ZDHHC21: variants seen among roughly 807,000 people sequenced by gnomAD.
ZDHHC21 encodes palmitoyltransferase ZDHHC21.
In ZDHHC21, 15 loss-of-function variants were observed where a neutral mutation model predicts 34.6. The observed-to-expected ratio is 0.43, with a 90% CI of 0.29 to 0.67. The LOEUF is 0.67. Among genes scored for constraint, ZDHHC21 ranks in the 30% least tolerant of loss-of-function variants. The pLI, the probability that ZDHHC21 is intolerant of heterozygous loss-of-function variation, is 0.14. For synonymous variants in ZDHHC21, 142 were observed against 101.8 expected (o/e 1.40, Z -2.38); for missense variants, 344 against 327.7 (o/e 1.05, Z -0.38).
chr9:14,640,015 A>G lies in ZDHHC21; in HGVS notation c.505-3T>C, dbSNP rs761234404. On this transcript the variant is annotated splice_polypyrimidine_tract_variant and splice_region_variant and intron_variant, in intron 7 of 9. Coordinates refer to ENST00000380916, the MANE Select transcript of ZDHHC21 (RefSeq NM_178566.6). ...TCATGTCTAAAAACAAAGAGGTCCT[A>G]AAAAGAAAAAGAAAGTCTTAAAAAC... The G allele has an allele frequency of 1.4e-5, 22 of 1,562,452 alleles. No homozygotes were observed. The highest frequency in any genetic ancestry group is 1.8e-5 in the Non-Finnish European group (21 of 1,145,198).
At chr9:14,654,359 CCT>C (rs1046599354) in intron 7 of ZDHHC21, among the ~76,000 whole-genome samples, 10 of 151,022 alleles carry the variant, frequency 6.6e-5, no homozygotes, top group East Asian at 3.9e-4. Flanking sequence ...TATACAAACC[CCT>C]GATTGGATAA....
At chr9:14,650,898 T>C (rs7851982) in intron 7 of ZDHHC21, among the ~76,000 whole-genome samples, 18 of 152,072 alleles carry the variant, frequency 1.2e-4, no homozygotes, top group East Asian at 3.9e-4. Context: ...ACTGCTCTCA[T>C]AGCCTTAAAC....
At chr9:14,603,051 G>A in the ZDHHC21 span, among the ~76,000 whole-genome samples, 3 of 152,030 alleles carry the variant, frequency 2.0e-5, no homozygotes, top group Admixed American at 2.0e-4. Flanking sequence ...GGGAGTTGAG[G>A]GGGAGCAGTA....
At chr9:14,690,076 C>A (rs1356328471) in intron 2 of ZDHHC21, among the ~76,000 whole-genome samples, 1 of 151,956 alleles carries the variant, frequency 6.6e-6, no homozygotes, top group Non-Finnish European at 1.5e-5. Context: ...AACTTTTGTT[C>A]CAAAATCAGC....
intron 6 of ZDHHC21, 91 bp downstream of exon 6, chr9:14,662,124 T>G (rs1833506631): frequency 1.3e-6 from 1 of 785,842 alleles, no homozygotes; most frequent in African/African-American, 1.8e-5. Flanking sequence ...TATATAACTT[T>G]AACATAACTG....
intron 8 of ZDHHC21, among the ~76,000 whole-genome samples, chr9:14,635,217 A>G (rs1828058974): frequency 6.6e-6 from 1 of 152,172 alleles, no homozygotes. Context: ...TTTAATTTGT[A>G]ATGTCCCAGA....
intron 6 of ZDHHC21, among the ~76,000 whole-genome samples, chr9:14,659,206 GC>G (rs1405616875): frequency 1.6e-4 from 24 of 152,112 alleles, no homozygotes. Context: ...TAAGCCTCTG[GC>G]CAGAGGATGT....
At chr9:14,693,019 G>T (rs1009931533) in intron 1 of ZDHHC21, among the ~76,000 whole-genome samples, 13 of 151,836 alleles carry the variant, frequency 8.6e-5, no homozygotes, top group Non-Finnish European at 1.6e-4. Flanking sequence ...CTCTGAAAAA[G>T]GCCAGGCCTG....
At chr9:14,679,291 A>C (rs1442568252) in intron 3 of ZDHHC21, among the ~76,000 whole-genome samples, 5 of 152,208 alleles carry the variant, frequency 3.3e-5, no homozygotes, top group African/African-American at 1.2e-4. Flanking sequence ...ACAGATGAGT[A>C]TGTGCTGAAA....
At chr9:14,659,677 A>T (rs117979740) in intron 6 of ZDHHC21, among the ~76,000 whole-genome samples, 1 of 152,362 alleles carries the variant, frequency 6.6e-6, no homozygotes, top group East Asian at 1.9e-4. Context: ...AAAAGAAACG[A>T]TGTAACAGGT....
chr9:14,605,411 T>C, the ZDHHC21 span, among the ~76,000 whole-genome samples: 1 of 152,156 alleles, frequency 6.6e-6, no homozygotes, highest in Admixed American at 6.5e-5. Flanking sequence ...TAATACCTCG[T>C]TGTAATTTTG....
At chr9:14,678,379 T>C (rs1419967219) in intron 3 of ZDHHC21, among the ~76,000 whole-genome samples, 2 of 151,676 alleles carry the variant, frequency 1.3e-5, no homozygotes, top group African/African-American at 4.8e-5. Flanking sequence ...CTGCAACACA[T>C]GACCGACAAG....
chr9:14,661,379 GA>G (rs1470819775), intron 6 of ZDHHC21, among the ~76,000 whole-genome samples: 9 of 152,114 alleles, frequency 5.9e-5, no homozygotes, highest in Non-Finnish European at 1.3e-4. Context: ...TATAAATTAA[GA>G]GGCTCATTAT....
At chr9:14,638,134 C>T (rs188050612) in intron 8 of ZDHHC21, among the ~76,000 whole-genome samples, 137 of 152,146 alleles carry the variant, frequency 9.0e-4, no homozygotes, top group African/African-American at 3.1e-3. Context: ...TATTATGAGG[C>T]TACAGTAACC....
At chr9:14,604,020 A>C in the ZDHHC21 span, among the ~76,000 whole-genome samples, 2 of 152,200 alleles carry the variant, frequency 1.3e-5, no homozygotes, top group Non-Finnish European at 2.9e-5. Context: ...AGAAAATTAC[A>C]TTAGATTCCT....
chr9:14,640,871 A>G (rs977814282), intron 7 of ZDHHC21, among the ~76,000 whole-genome samples: 1 of 152,184 alleles, frequency 6.6e-6, no homozygotes. Context: ...GTGGGAAGAC[A>G]GAAAAACAAA....
intron 6 of ZDHHC21, among the ~76,000 whole-genome samples, chr9:14,661,652 A>C (rs1426784044): frequency 6.6e-6 from 1 of 152,208 alleles, no homozygotes; most frequent in Non-Finnish European, 1.5e-5. Flanking sequence ...ATTACAAGAG[A>C]GCCCCCTATT....
chr9:14,688,625 G>T (rs1023771700), intron 2 of ZDHHC21, among the ~76,000 whole-genome samples: 1 of 152,108 alleles, frequency 6.6e-6, no homozygotes, highest in African/African-American at 2.4e-5. Flanking sequence ...ACTTTGGGAG[G>T]CAAAGGCGGG....
intron 8 of ZDHHC21, among the ~76,000 whole-genome samples, chr9:14,630,126 A>G (rs930925400): frequency 4.6e-5 from 7 of 152,230 alleles, no homozygotes; most frequent in Non-Finnish European, 1.0e-4. Context: ...TCTCTGTAGC[A>G]TGCGATGCAA....
Sources: gnomAD v4.1 joint callset for allele counts (sites outside exome capture counted in the v4.1 genomes callset) on GRCh38, gnomAD v4.1.1 for gene constraint, MANE v1.5 for transcripts, NCBI Gene and HGNC (gene_info 2026-07-23, HGNC 2026-07-21) for gene names.